The following PMM1 variants were observed in gnomAD, a reference collection of about 807,000 sequenced individuals.
PMM1 encodes the protein brain glucose-1,6-bisphosphatase.
In PMM1, 25 loss-of-function variants were observed where a neutral mutation model predicts 34.0. The ratio of observed to expected loss-of-function variants is 0.73; its 90% CI spans 0.54 to 1.03. PMM1 has a LOEUF of 1.03. PMM1 is among the 50% of genes least tolerant of loss of function. PMM1 has a pLI of 0.00. For missense variants in PMM1, 321 were observed against 350.1 expected, an observed-to-expected ratio of 0.92 and a Z score of 0.66; for synonymous variants, 134 against 143.9, an observed-to-expected ratio of 0.93 and a Z score of 0.49.
At chr22:41,578,777 C>T in intron 6 of PMM1, 29 bp downstream of exon 6, 1 of 1,601,942 alleles carries the variant, frequency 6.2e-7, no homozygotes, top group Non-Finnish European at 8.6e-7. Flanking sequence ...TGTACCAGGC[C>T]TCCCAGGTCC....
chr22:41,584,988 T>G (rs2067291576), intron 2 of PMM1: 1 of 163,982 alleles, frequency 6.1e-6, no homozygotes, highest in African/African-American at 2.4e-5. Flanking sequence ...CCTTCTGTTC[T>G]ATAGCTGCCA....
chr22:41,588,724 C>T, intron 1 of PMM1: 1 of 985,452 alleles, frequency 1.0e-6, no homozygotes, highest in Non-Finnish European at 1.2e-6. Context: ...AGGGCCCAAG[C>T]CAGGGCAACT....
At position 41,577,356 on chromosome 22, in the gene PMM1, G is replaced by A. The variant is rs1267068222; in HGVS notation, c.751C>T (p.Arg251Trp). 1.1e-5 allele frequency: 18 copies of A among 1,612,842 alleles called. No homozygotes were observed. Among genetic ancestry groups the A allele is most frequent in the East Asian group, 2.2e-5 (1 of 44,890 alleles). Reference protein sequence around the residue: ...VSPQDTVQRCREIFFPETAHE... With the variant: ...VSPQDTVQRCWEIFFPETAHE... ...GCTGTCTCTGGGAAGAAAATCTCCC[G>A]GCATCGCTGCACCGTGTCCTGAGGA... is the stretch of plus-strand genomic sequence containing the variant. The change falls in exon 8 of 8, where the codon CGG becomes TGG. Residue 251 changes from arginine (R) to tryptophan (W), a missense_variant. Transcript: ENST00000216259.
At chr22:41,588,288 C>T (rs8135475) in intron 1 of PMM1, among the ~76,000 whole-genome samples, 10,772 of 152,248 alleles carry the variant, frequency 0.071, 912 homozygotes, top group African/African-American at 0.2. Context: ...GGCACATTCT[C>T]GGCTCACTGC....
intron 6 of PMM1, 86 bp from the exon 7 acceptor site, chr22:41,578,009 A>C: frequency 9.9e-7 from 1 of 1,005,772 alleles, no homozygotes; most frequent in Non-Finnish European, 1.6e-6. Context: ...TCATTCATTC[A>C]ACAACCCTTG....
At chr22:41,580,647 G>A (rs951588978) in intron 5 of PMM1, 1 of 152,158 alleles carries the variant, frequency 6.6e-6, no homozygotes, top group African/African-American at 2.4e-5. Flanking sequence ...TATTGGGGGG[G>A]AAGGGTTCTT....
At chr22:41,585,517 A>G (rs1476238214) in intron 2 of PMM1, 1 of 150,006 alleles carries the variant, frequency 6.7e-6, no homozygotes, top group Non-Finnish European at 1.5e-5. Context: ...TTGGATGTGT[A>G]GCCTCACTCT....
intron 1 of PMM1, among the ~76,000 whole-genome samples, chr22:41,586,677 T>C (rs1334680600): frequency 6.6e-6 from 1 of 151,702 alleles, no homozygotes; most frequent in Non-Finnish European, 1.5e-5. Context: ...CCCAGCTAAG[T>C]TTTAAATTTT....
intron 5 of PMM1, among the ~76,000 whole-genome samples, chr22:41,582,093 G>A (rs1303422082): frequency 6.6e-6 from 1 of 151,150 alleles, no homozygotes; most frequent in Non-Finnish European, 1.5e-5. Flanking sequence ...GCAGTGAGCC[G>A]AGATTGTGCC....
intron 2 of PMM1, 144 bp from the exon 3 acceptor site, chr22:41,584,747 C>G: frequency 1.6e-6 from 1 of 611,690 alleles, no homozygotes; most frequent in Non-Finnish European, 2.9e-6. Flanking sequence ...CAACCTGCTT[C>G]TCCAGCCTTT....
At chr22:41,582,861 C>T (rs1271141081) in intron 5 of PMM1, among the ~76,000 whole-genome samples, 1 of 151,894 alleles carries the variant, frequency 6.6e-6, no homozygotes, top group Non-Finnish European at 1.5e-5. Flanking sequence ...ATGACGTGGA[C>T]GGGCCAGCAT....
At chr22:41,579,124 T>G (rs1811237474) in intron 5 of PMM1, 1 of 507,022 alleles carries the variant, frequency 2.0e-6, no homozygotes, top group Non-Finnish European at 3.6e-6. Flanking sequence ...GGGCTGGGTC[T>G]TCTGAAGGAG....
At chr22:41,584,919 T>C in intron 2 of PMM1, 1 of 277,346 alleles carries the variant, frequency 3.6e-6, no homozygotes, top group Non-Finnish European at 6.8e-6. Context: ...CATGCAGTAC[T>C]CTCTGGCAGA....
intron 1 of PMM1, among the ~76,000 whole-genome samples, chr22:41,587,527 G>A (rs893857338): frequency 6.6e-6 from 1 of 151,494 alleles, no homozygotes; most frequent in African/African-American, 2.4e-5. Flanking sequence ...AAGCTGAGGC[G>A]GGAGAATCAC....
chr22:41,577,485 C>G (rs1318043839), intron 7 of PMM1, 45 bp from the exon 8 acceptor site: 2 of 1,577,900 alleles, frequency 1.3e-6, no homozygotes, highest in Non-Finnish European at 1.7e-6. Context: ...AGGTGGAGTC[C>G]CTCTCCACAT....
At chr22:41,583,119 G>C (rs1280270533) in intron 5 of PMM1, among the ~76,000 whole-genome samples, 1 of 151,910 alleles carries the variant, frequency 6.6e-6, no homozygotes, top group Non-Finnish European at 1.5e-5. Context: ...AGTTGGCAAC[G>C]AGGAGCCAAG....
intron 5 of PMM1, among the ~76,000 whole-genome samples, chr22:41,583,448 C>T (rs1470659781): frequency 1.3e-5 from 2 of 152,136 alleles, no homozygotes; most frequent in African/African-American, 2.4e-5. Flanking sequence ...TGCCACTGCA[C>T]TCCAGCCTCT....
intron 2 of PMM1, chr22:41,585,244 A>C (rs376091174): frequency 6.6e-6 from 1 of 152,146 alleles, no homozygotes; most frequent in Non-Finnish European, 1.5e-5. Context: ...AAAAGGAAAA[A>C]TTCGAGGAAG....
intron 7 of PMM1, 66 bp downstream of exon 7, chr22:41,577,742 A>G: frequency 1.6e-6 from 2 of 1,233,072 alleles, no homozygotes; most frequent in Non-Finnish European, 2.4e-6. Flanking sequence ...TGCATTGGAG[A>G]AGCCACCAGA....
Sources: allele counts gnomAD v4.1 joint callset (sites outside exome capture counted in the v4.1 genomes callset), GRCh38; gene constraint gnomAD v4.1.1; transcripts MANE v1.5; gene names NCBI Gene and HGNC (gene_info 2026-07-23, HGNC 2026-07-21).